CALD1: variants seen among roughly 807,000 people sequenced by gnomAD.
The protein encoded by CALD1 is caldesmon.
A neutral mutation model predicts 99.9 loss-of-function variants in CALD1; 33 were observed. The ratio of observed to expected loss-of-function variants is 0.33; its 90% CI spans 0.25 to 0.44. CALD1 has a LOEUF of 0.44. CALD1 is among the 20% of genes least tolerant of loss of function. CALD1 has a pLI of 1.00. For missense variants in CALD1, 861 were observed against 962.1 expected (o/e 0.89, Z 1.39); for synonymous variants, 310 against 325.0 (o/e 0.95, Z 0.50).
chr7:134,967,651 C>A (rs2133305870), intron 14 of CALD1, among the ~76,000 whole-genome samples: 1 of 152,234 alleles, frequency 6.6e-6, no homozygotes, highest in Middle Eastern at 3.4e-3. Flanking sequence ...CTGAGCTATT[C>A]AGTCGCATGT....
the CALD1 span, among the ~76,000 whole-genome samples, chr7:134,728,663 A>G: frequency 6.6e-6 from 1 of 152,118 alleles, no homozygotes; most frequent in Non-Finnish European, 1.5e-5. Context: ...GAAGCATTAG[A>G]CCAGAGAGTA....
intron 3 of CALD1, among the ~76,000 whole-genome samples, chr7:134,876,477 G>A (rs147134282): frequency 1.0e-3 from 152 of 152,236 alleles, no homozygotes; most frequent in African/African-American, 3.3e-3. Context: ...CTTAAAAACC[G>A]TTTATGGATA....
At chr7:134,935,600 G>C in intron 5 of CALD1, 88 bp from the exon 6 acceptor site, 1 of 1,515,094 alleles carries the variant, frequency 6.6e-7, no homozygotes, top group Non-Finnish European at 8.8e-7. Context: ...CGCAGCACTT[G>C]CAAGGCGATC....
intron 1 of CALD1, among the ~76,000 whole-genome samples, chr7:134,831,025 T>C (rs1461006956): frequency 1.3e-5 from 2 of 152,206 alleles, no homozygotes; most frequent in Admixed American, 6.5e-5. Flanking sequence ...TCAAGATTTA[T>C]GTACAAGAAT....
chr7:134,748,024 G>A (rs1796651271), intron 1 of CALD1, among the ~76,000 whole-genome samples: 1 of 152,268 alleles, frequency 6.6e-6, no homozygotes, highest in Non-Finnish European at 1.5e-5. Flanking sequence ...ATGAAGGCAG[G>A]CAAAGCTGCA....
chr7:134,809,982 C>T (rs1036381494), intron 1 of CALD1, among the ~76,000 whole-genome samples: 2 of 152,100 alleles, frequency 1.3e-5, no homozygotes, highest in African/African-American at 2.4e-5. Flanking sequence ...ATTTAGAAAA[C>T]CAAAGACTAT....
At chr7:134,754,563 G>A (rs941454245) in intron 1 of CALD1, among the ~76,000 whole-genome samples, 1 of 152,184 alleles carries the variant, frequency 6.6e-6, no homozygotes, top group Non-Finnish European at 1.5e-5. Context: ...TCTGTTAACA[G>A]ATGTGTAGTC....
At chr7:134,806,680 A>G (rs1798151223) in intron 1 of CALD1, among the ~76,000 whole-genome samples, 1 of 152,118 alleles carries the variant, frequency 6.6e-6, no homozygotes, top group Non-Finnish European at 1.5e-5. Context: ...AGAATTCTGG[A>G]CTCTGAGAGC....
intron 1 of CALD1, among the ~76,000 whole-genome samples, chr7:134,812,563 G>A (rs10954472): frequency 0.62 from 92,761 of 150,006 alleles, 28,985 homozygotes; most frequent in East Asian, 0.95. Flanking sequence ...ATTTACCAGC[G>A]CACCACTGGA....
At chr7:134,752,892 C>T (rs754751379) in intron 1 of CALD1, among the ~76,000 whole-genome samples, 12 of 151,620 alleles carry the variant, frequency 7.9e-5, no homozygotes, top group Non-Finnish European at 1.5e-4. Flanking sequence ...CACCTATAAT[C>T]CCAGCTACTC....
At chr7:134,963,021 C>A (rs1329456229) in intron 13 of CALD1, 1 of 412,830 alleles carries the variant, frequency 2.4e-6, no homozygotes. Flanking sequence ...TCTTTAAACT[C>A]TTTAAGTGAT....
chr7:134,836,143 C>CAAAAAA (rs377048601), intron 1 of CALD1, among the ~76,000 whole-genome samples: 13 of 68,540 alleles, frequency 1.9e-4, no homozygotes, highest in East Asian at 4.0e-4. Context: ...GACTTCATCT[C>CAAAAAA]AAAAAAAAAA....
chr7:134,910,427 T>C (rs1464425203), intron 3 of CALD1, among the ~76,000 whole-genome samples: 1 of 152,202 alleles, frequency 6.6e-6, no homozygotes, highest in African/African-American at 2.4e-5. Context: ...TACTGAGTTC[T>C]TTTTGCTTCC....
At chr7:134,958,751 T>G (rs1807979899) in intron 11 of CALD1, among the ~76,000 whole-genome samples, 2 of 151,800 alleles carry the variant, frequency 1.3e-5, no homozygotes, top group Admixed American at 1.3e-4. Flanking sequence ...TTCTAAGTTC[T>G]AAGAAATACA....
At chr7:134,966,442 C>A (rs946761013) in intron 14 of CALD1, among the ~76,000 whole-genome samples, 2 of 152,222 alleles carry the variant, frequency 1.3e-5, no homozygotes, top group Non-Finnish European at 2.9e-5. Flanking sequence ...TAACTACTAG[C>A]GCTACAAGTG....
At chr7:134,800,951 A>G (rs1797920237) in intron 1 of CALD1, among the ~76,000 whole-genome samples, 1 of 152,050 alleles carries the variant, frequency 6.6e-6, no homozygotes, top group Admixed American at 6.5e-5. Context: ...TATTTATTGT[A>G]CAAAACATAG....
At chr7:134,860,447 G>C (rs1431508959) in intron 2 of CALD1, among the ~76,000 whole-genome samples, 1 of 152,162 alleles carries the variant, frequency 6.6e-6, no homozygotes, top group Non-Finnish European at 1.5e-5. Flanking sequence ...TTCATACATA[G>C]TCAATTACCA....
At chr7:134,946,189 TATATCAGTATG>T (rs922207873) in intron 7 of CALD1, among the ~76,000 whole-genome samples, 11 of 152,214 alleles carry the variant, frequency 7.2e-5, no homozygotes, top group Non-Finnish European at 1.2e-4. Context: ...GAAATTATAG[TATATCAGTATG>T]ATATCAGTAT....
At chr7:134,711,661 T>TCTCTAC in the CALD1 span, among the ~76,000 whole-genome samples, 1 of 24,780 alleles carries the variant, frequency 4.0e-5, no homozygotes. Context: ...TCTCTCTCTC[T>TCTCTAC]ATATATATAT....
Sources: allele counts gnomAD v4.1 joint callset (sites outside exome capture counted in the v4.1 genomes callset), GRCh38; gene constraint gnomAD v4.1.1; transcripts MANE v1.5; gene names NCBI Gene and HGNC (gene_info 2026-07-23, HGNC 2026-07-21).